The following ATP10B variants were observed in gnomAD, a reference collection of about 807,000 sequenced individuals.
ATP10B encodes the protein ATPase phospholipid transporting 10B (putative), also known as phospholipid-transporting ATPase VB.
ATP10B carries 122 observed loss-of-function variants against 141.2 expected under a neutral mutation model. That is an observed-to-expected ratio of 0.86 (90% CI 0.75 to 1.00). ATP10B has a LOEUF of 1.00. Among genes scored for constraint, ATP10B ranks in the 50% least tolerant of loss-of-function variants. ATP10B has a pLI of 0.00. For synonymous variants in ATP10B, 685 were observed against 692.0 expected (o/e 0.99, Z 0.16); for missense variants, 1,876 against 1,825.3 (o/e 1.03, Z -0.51).
At chr5:160,639,897 A>G (rs1405974248) in intron 10 of ATP10B, among the ~76,000 whole-genome samples, 1 of 152,226 alleles carries the variant, frequency 6.6e-6, no homozygotes, top group Non-Finnish European at 1.5e-5. Flanking sequence ...TGTAGGGATA[A>G]TGGGAGACAG....
the ATP10B span, among the ~76,000 whole-genome samples, chr5:160,880,036 A>T: frequency 5.9e-5 from 9 of 151,612 alleles, no homozygotes; most frequent in African/African-American, 2.2e-4. Context: ...TTCTGTATAA[A>T]TCTAATATAA....
intron 2 of ATP10B, among the ~76,000 whole-genome samples, chr5:160,758,312 A>G (rs1768782248): frequency 6.6e-6 from 1 of 152,170 alleles, no homozygotes; most frequent in Admixed American, 6.5e-5. Context: ...CCAACACTAC[A>G]GGTTCCTGTG....
intron 13 of ATP10B, among the ~76,000 whole-genome samples, chr5:160,624,154 G>A (rs1254190985): frequency 6.6e-6 from 1 of 152,222 alleles, no homozygotes; most frequent in Admixed American, 6.5e-5. Flanking sequence ...AATTTGTGCA[G>A]GGTGAAGACT....
At chr5:160,912,693 GAAA>G in the ATP10B span, among the ~76,000 whole-genome samples, 1 of 149,946 alleles carries the variant, frequency 6.7e-6, no homozygotes, top group Non-Finnish European at 1.5e-5. Context: ...GGAGAAAAAA[GAAA>G]AAAGAAAAGA....
intron 2 of ATP10B, among the ~76,000 whole-genome samples, chr5:160,735,452 T>G (rs1767043299): frequency 6.6e-6 from 1 of 152,006 alleles, no homozygotes; most frequent in African/African-American, 2.4e-5. Context: ...ATATAACAAT[T>G]GTAAATCTAC....
At chr5:160,569,814 G>T (rs1043790894) in intron 24 of ATP10B, 131 bp from the exon 25 acceptor site, 2 of 722,176 alleles carry the variant, frequency 2.8e-6, no homozygotes, top group Admixed American at 3.5e-5. Flanking sequence ...AAAAAAGTGT[G>T]CAGCTTAATC....
intron 10 of ATP10B, among the ~76,000 whole-genome samples, chr5:160,638,001 G>A (rs1453647792): frequency 1.3e-5 from 2 of 152,232 alleles, no homozygotes; most frequent in East Asian, 1.9e-4. Context: ...TGGATGAGGA[G>A]GACTTGAGGG....
chr5:160,796,012 G>A (rs763904359), intron 1 of ATP10B, among the ~76,000 whole-genome samples: 1 of 152,114 alleles, frequency 6.6e-6, no homozygotes, highest in African/African-American at 2.4e-5. Flanking sequence ...TCTGCCCCCT[G>A]AGTTCAGACC....
intron 25 of ATP10B, among the ~76,000 whole-genome samples, chr5:160,569,058 A>T (rs1391433151): frequency 6.6e-6 from 1 of 152,176 alleles, no homozygotes; most frequent in Admixed American, 6.5e-5. Context: ...GCCATGATAG[A>T]AGCTGAGAAG....
chr5:160,607,924 ATCAAT>A lies in ATP10B; in HGVS notation c.2839-843_2839-839del, dbSNP rs769543753. The stretch of plus-strand genomic sequence containing the variant: ...TAAAATCATGGCAGAAAACAGCATT[ATCAAT>A]TCATTTATTTTTATTATACTTTAAG... On this transcript the variant is annotated intron_variant, in intron 18 of 25. Transcript: ENST00000327245. Among the ~76,000 whole-genome samples, 106 of 152,306 alleles carry A rather than the reference ATCAAT, an allele frequency of 7.0e-4. 1 individual carries two copies. Among genetic ancestry groups the A allele is most frequent in the Middle Eastern group, 3.4e-3 (1 of 294 alleles).
intron 1 of ATP10B, among the ~76,000 whole-genome samples, chr5:160,809,793 C>T (rs778846624): frequency 1.3e-5 from 2 of 152,130 alleles, no homozygotes; most frequent in Non-Finnish European, 2.9e-5. Context: ...ACATAGAACT[C>T]ATCTGAAAAA....
rs1756911807 is a variant in ATP10B at position 160,598,847 on chromosome 5, C to T, written c.3487G>A (p.Gly1163Arg). The T allele has an allele frequency of 6.2e-7, 1 of 1,614,074 alleles. No individual in the cohort carries two copies. The highest frequency in any genetic ancestry group is 8.5e-7 in the Non-Finnish European group (1 of 1,179,988). ...GCAGAGATGTCTTTGTCAAGGACTC[C>T]AAAGACAAGAGGAGGCAAGGAGGTA... ...FFTSLPPLVF[G>R]VLDKDISAET... Residue 1163 changes from glycine (G) to arginine (R), a missense_variant, in exon 22 of 26, where the codon GGA (glycine) becomes AGA (arginine). Gly to Arg is a moderately radical substitution (Grantham distance 125). Transcript: ENST00000327245.
At chr5:160,898,655 A>T in the ATP10B span, among the ~76,000 whole-genome samples, 2 of 152,240 alleles carry the variant, frequency 1.3e-5, no homozygotes, top group Non-Finnish European at 2.9e-5. Context: ...GTATATACCC[A>T]AAGGATTATA....
chr5:160,659,468 T>TAAAAACAAAAAC (rs10546331), intron 7 of ATP10B, among the ~76,000 whole-genome samples: 2 of 151,516 alleles, frequency 1.3e-5, no homozygotes, highest in African/African-American at 4.9e-5. Flanking sequence ...CCGTCTCAAA[T>TAAAAACAAAAAC]AAAAACAAAA....
chr5:160,793,473 A>AC, intron 1 of ATP10B, among the ~76,000 whole-genome samples: 1 of 152,218 alleles, frequency 6.6e-6, no homozygotes, highest in South Asian at 2.1e-4. Context: ...ATTATGAAGT[A>AC]TTTATATTGT....
the ATP10B span, among the ~76,000 whole-genome samples, chr5:160,885,086 C>G: frequency 6.6e-6 from 1 of 152,162 alleles, no homozygotes; most frequent in Non-Finnish European, 1.5e-5. Context: ...TATGTTTGAT[C>G]CCACAAGCCA....
At chr5:160,608,645 C>T (rs571873220) in intron 18 of ATP10B, among the ~76,000 whole-genome samples, 62 of 152,244 alleles carry the variant, frequency 4.1e-4, no homozygotes, top group African/African-American at 1.3e-3. Context: ...GATGGTATCT[C>T]ATTGTGGTTT....
At chr5:160,819,095 A>G (rs1034439989) in intron 1 of ATP10B, among the ~76,000 whole-genome samples, 4 of 152,128 alleles carry the variant, frequency 2.6e-5, no homozygotes, top group African/African-American at 7.2e-5. Context: ...ACGTGTATAC[A>G]TATGTAACTA....
chr5:160,833,554 GA>G (rs768494917), intron 1 of ATP10B, among the ~76,000 whole-genome samples: 5 of 152,244 alleles, frequency 3.3e-5, no homozygotes, highest in Middle Eastern at 3.4e-3. Flanking sequence ...AAAATTATGA[GA>G]CAGGCAAAGG....
Sources: allele counts gnomAD v4.1 joint callset (sites outside exome capture counted in the v4.1 genomes callset), GRCh38; gene constraint gnomAD v4.1.1; transcripts MANE v1.5; gene names NCBI Gene and HGNC (gene_info 2026-07-23, HGNC 2026-07-21).